Variants in SUMF1 observed in about 807,000 individuals in gnomAD.
SUMF1 encodes sulfatase modifying factor 1.
In SUMF1, 48 loss-of-function variants were observed where a neutral mutation model predicts 47.6. The observed-to-expected ratio is 1.01, with a 90% confidence interval of 0.80 to 1.28. The LOEUF (loss-of-function observed/expected upper bound fraction) is 1.28. SUMF1 is among the 50% of genes most tolerant of loss of function. The pLI is 0.00. For missense variants in SUMF1, 571 were observed against 485.4 expected (o/e 1.18, Z -1.66); for synonymous variants, 230 against 192.1 (o/e 1.20, Z -1.63).
rs144163297 is a variant in SUMF1, at chr3:4,191,372, G to T, written c.1015-122627C>A. On this transcript the variant is annotated intron_variant and NMD_transcript_variant, in intron 8 of 12. Transcript: ENST00000448413. ...AGGTGTGTTTAAGGAAGAAATTTAG[G>T]CAAAGTCTAGCAAGCCTGGTACCAA... 5.1e-4 allele frequency among the ~76,000 whole-genome samples: 77 copies of T among 152,216 alleles called. 1 individual carries two copies. The East Asian group carries it at 0.014, about 29-fold the overall frequency.
At chr3:4,164,580 G>T (rs1467979346) in intron 8 of SUMF1, among the ~76,000 whole-genome samples, 1 of 152,132 alleles carries the variant, frequency 6.6e-6, no homozygotes, top group Non-Finnish European at 1.5e-5. Flanking sequence ...GCCCTACCAG[G>T]TTATTGGCCT....
intron 8 of SUMF1, among the ~76,000 whole-genome samples, chr3:4,131,519 C>T (rs1693788644): frequency 6.6e-6 from 1 of 152,152 alleles, no homozygotes; most frequent in Admixed American, 6.5e-5. Flanking sequence ...GGAAATCTTC[C>T]CAGTGGGCAG....
At chr3:4,083,096 C>T (rs548573989) in intron 8 of SUMF1, among the ~76,000 whole-genome samples, 15 of 152,216 alleles carry the variant, frequency 9.9e-5, no homozygotes, top group African/African-American at 1.2e-4. Flanking sequence ...AAGTGCACCC[C>T]GTGGATAAAC....
intron 8 of SUMF1, among the ~76,000 whole-genome samples, chr3:4,097,999 T>C (rs1692944924): frequency 6.6e-6 from 1 of 152,166 alleles, no homozygotes; most frequent in Non-Finnish European, 1.5e-5. Flanking sequence ...GGCCATGATT[T>C]TTCAGGCCTT....
intron 8 of SUMF1, among the ~76,000 whole-genome samples, chr3:4,106,483 C>A (rs1216386429): frequency 6.6e-6 from 1 of 152,034 alleles, no homozygotes; most frequent in Non-Finnish European, 1.5e-5. Context: ...TCCATCTCCA[C>A]TATAACTCCC....
At chr3:4,091,755 G>A (rs1038741593) in intron 8 of SUMF1, among the ~76,000 whole-genome samples, 6 of 152,028 alleles carry the variant, frequency 3.9e-5, no homozygotes, top group African/African-American at 1.5e-4. Context: ...TGGTAATAAT[G>A]GTTATGTAAG....
intron 9 of SUMF1, among the ~76,000 whole-genome samples, chr3:4,042,255 T>G (rs1029280520): frequency 6.6e-6 from 1 of 152,154 alleles, no homozygotes. Context: ...ATGAGGTACA[T>G]CTATTATGTC....
At chr3:4,117,439 G>C (rs185054312) in intron 8 of SUMF1, among the ~76,000 whole-genome samples, 1 of 152,194 alleles carries the variant, frequency 6.6e-6, no homozygotes, top group African/African-American at 2.4e-5. Context: ...AAGAAATCAG[G>C]TAAACAGGGA....
At chr3:4,312,518 C>CT (rs1388758169) in intron 8 of SUMF1, among the ~76,000 whole-genome samples, 3 of 151,816 alleles carry the variant, frequency 2.0e-5, no homozygotes, top group Admixed American at 2.0e-4. Context: ...CCAACTCATC[C>CT]TTATACATAC....
In SUMF1 at chr3:4,167,590, A is replaced by G. The variant is rs530439620; in HGVS notation, c.1015-98845T>C. On this transcript the variant is annotated intron_variant and NMD_transcript_variant, in intron 8 of 12. Transcript: ENST00000448413. ...ATTTTACAAACCTCTTGCTAGCTAC[A>G]GAGCGCTGATTGGTGCATTTTACAA... Among the ~76,000 whole-genome samples, 7 of 152,234 alleles carry G rather than the reference A, an allele frequency of 4.6e-5. No homozygotes were observed. In the East Asian group the frequency reaches 9.6e-4, roughly 21 times the overall value.
At chr3:4,374,688 G>A (rs940959299) in intron 8 of SUMF1, among the ~76,000 whole-genome samples, 1 of 152,122 alleles carries the variant, frequency 6.6e-6, no homozygotes, top group African/African-American at 2.4e-5. Context: ...AGATACTACT[G>A]TACAAAGAGA....
chr3:4,259,864 A>G (rs1697047342), intron 8 of SUMF1, among the ~76,000 whole-genome samples: 1 of 148,706 alleles, frequency 6.7e-6, no homozygotes, highest in South Asian at 2.1e-4. Context: ...TACTACTTAG[A>G]AACTATTACC....
intron 8 of SUMF1, among the ~76,000 whole-genome samples, chr3:4,335,960 C>CAAAAAAAAAAAAAAAAAAAA (rs770091674): frequency 3.1e-4 from 23 of 73,878 alleles, no homozygotes; most frequent in African/African-American, 1.1e-3. Flanking sequence ...GATTCCAACT[C>CAAAAAAAAAAAAAAAAAAAA]AAAAAAAAAA....
At chr3:4,347,122 C>G (rs1251634490) in intron 8 of SUMF1, among the ~76,000 whole-genome samples, 1 of 152,196 alleles carries the variant, frequency 6.6e-6, no homozygotes, top group Non-Finnish European at 1.5e-5. Flanking sequence ...GAGCTGGTAC[C>G]ATTCCTTCTG....
chr3:4,132,579 GC>G (rs1693818093), intron 8 of SUMF1, among the ~76,000 whole-genome samples: 1 of 152,084 alleles, frequency 6.6e-6, no homozygotes, highest in South Asian at 2.1e-4. Context: ...TGATCCACTA[GC>G]AAAATTTTTG....
intron 8 of SUMF1, among the ~76,000 whole-genome samples, chr3:4,264,906 G>A (rs971679527): frequency 6.6e-6 from 1 of 152,164 alleles, no homozygotes; most frequent in Non-Finnish European, 1.5e-5. Context: ...GGCCAAGGCA[G>A]GTGGATCATC....
At position 4,299,238 on chromosome 3, in the gene SUMF1, C is replaced by T. The variant is rs967721850; in HGVS notation, c.1014+77092G>A. 4.6e-5 allele frequency among the ~76,000 whole-genome samples: 7 copies of T among 152,360 alleles called. No homozygotes were observed. The East Asian group carries it at 1.2e-3, about 25-fold the overall frequency. On this transcript the variant is annotated intron_variant and NMD_transcript_variant, in intron 8 of 12. Transcript: ENST00000448413. ...CTATTAATGGGATATATTCTCCTTGCATTTGAGCCACCCTCTGGGAGAACA... is the reference window on the plus strand; with the variant it reads ...CTATTAATGGGATATATTCTCCTTGTATTTGAGCCACCCTCTGGGAGAACA...
At chr3:4,385,580 T>G (rs536186865) in intron 7 of SUMF1, among the ~76,000 whole-genome samples, 1 of 152,306 alleles carries the variant, frequency 6.6e-6, no homozygotes, top group South Asian at 2.1e-4. Flanking sequence ...GTAGCCTGCC[T>G]TTATATCCTC....
chr3:4,208,640 C>T (rs949584943), intron 8 of SUMF1, among the ~76,000 whole-genome samples: 1 of 151,680 alleles, frequency 6.6e-6, no homozygotes, highest in Non-Finnish European at 1.5e-5. Context: ...TAAGAAAGAA[C>T]CAAAAGACAT....
Sources: allele counts gnomAD v4.1 joint callset (sites outside exome capture counted in the v4.1 genomes callset), GRCh38; gene constraint gnomAD v4.1.1; transcripts MANE v1.5; gene names NCBI Gene and HGNC (gene_info 2026-07-23, HGNC 2026-07-21).